Variants in TRAPPC9 observed in about 807,000 individuals in gnomAD.
TRAPPC9 encodes the protein trafficking protein particle complex subunit 9, also known as IKK2 binding protein.
In TRAPPC9, 83 loss-of-function variants were observed where a neutral mutation model predicts 124.0. The observed-to-expected ratio is 0.67, with a 90% CI of 0.56 to 0.80. The LOEUF (loss-of-function observed/expected upper bound fraction) is 0.80. Among genes scored for constraint, TRAPPC9 ranks in the 30% least tolerant of loss-of-function variants. The probability of loss-of-function intolerance (pLI) is 0.00; values close to 1 mark genes in which losing one functional copy is unlikely to be tolerated. For synonymous variants in TRAPPC9, 638 were observed against 617.5 expected, an observed-to-expected ratio of 1.03 and a Z score of -0.49; for missense variants, 1,302 against 1,508.3, an observed-to-expected ratio of 0.86 and a Z score of 2.27.
chr8:139,982,922 G>A (rs1033281335), intron 19 of TRAPPC9, among the ~76,000 whole-genome samples: 2 of 152,030 alleles, frequency 1.3e-5, no homozygotes, highest in Admixed American at 6.5e-5. Flanking sequence ...CTGCCTGCAC[G>A]GCTCTCCCTG....
intron 21 of TRAPPC9, among the ~76,000 whole-genome samples, chr8:139,787,467 G>A (rs961948536): frequency 9.9e-5 from 15 of 152,222 alleles, no homozygotes; most frequent in African/African-American, 3.4e-4. Context: ...GGCAGGGGCA[G>A]AGCCAAGGGA....
intron 21 of TRAPPC9, among the ~76,000 whole-genome samples, chr8:139,801,139 G>T (rs1056314002): frequency 3.9e-5 from 6 of 152,072 alleles, no homozygotes; most frequent in African/African-American, 1.5e-4. Flanking sequence ...CCTCCCACCA[G>T]CAGCTGTCCG....
At chr8:140,313,138 T>C (rs1263268395) in intron 9 of TRAPPC9, among the ~76,000 whole-genome samples, 1 of 152,210 alleles carries the variant, frequency 6.6e-6, no homozygotes, top group African/African-American at 2.4e-5. Flanking sequence ...ACAATGTTAA[T>C]CTGAAACATG....
chr8:140,426,645 GAAGA>G lies in TRAPPC9; in HGVS notation c.860-8_860-5del. On this transcript the variant is annotated splice_polypyrimidine_tract_variant and splice_region_variant and intron_variant, in intron 4 of 22. Transcript: ENST00000438773. ...TCAATGAGAACTTCCTGTGCCCCTG[GAAGA>G]AAGAACAGATTATGGTATTTTATTT... 6.2e-7 allele frequency: 1 copy of G among 1,613,548 alleles called. No homozygotes were observed. Among genetic ancestry groups the G allele is most frequent in the Non-Finnish European group, 8.5e-7 (1 of 1,179,636 alleles).
chr8:140,452,785 G>T (rs1051348634), intron 1 of TRAPPC9, among the ~76,000 whole-genome samples: 1 of 152,130 alleles, frequency 6.6e-6, no homozygotes, highest in Non-Finnish European at 1.5e-5. Flanking sequence ...GCCTACAGAC[G>T]GTCATGATGG....
At chr8:139,818,904 T>G (rs1295707786) in intron 21 of TRAPPC9, among the ~76,000 whole-genome samples, 1 of 152,240 alleles carries the variant, frequency 6.6e-6, no homozygotes, top group Non-Finnish European at 1.5e-5. Context: ...CACACTCTTT[T>G]CTGTGACCTC....
At chr8:139,933,391 A>G (rs1326189518) in intron 19 of TRAPPC9, 1 of 152,294 alleles carries the variant, frequency 6.6e-6, no homozygotes, top group Non-Finnish European at 1.5e-5. Context: ...TCCTGCAGGA[A>G]GGAAGTCCTG....
chr8:139,880,153 CG>C (rs1276031893), intron 21 of TRAPPC9, among the ~76,000 whole-genome samples: 1 of 152,176 alleles, frequency 6.6e-6, no homozygotes, highest in Non-Finnish European at 1.5e-5. Context: ...ATGGCTTCTT[CG>C]GGAAGAGATG....
intron 3 of TRAPPC9, 82 bp downstream of exon 3, chr8:140,438,970 G>A (rs1404141944): frequency 3.6e-5 from 56 of 1,574,554 alleles, no homozygotes; most frequent in East Asian, 4.5e-5. Flanking sequence ...GATTACAGGC[G>A]TGAGCCACCG....
At position 140,331,629 on chromosome 8, in the gene TRAPPC9, C is replaced by G. The variant is rs79177543; in HGVS notation, c.1496-20255G>C. ...CTCAACAGCAAAAAATCATCATCAT[C>G]ATCATCATCATCACCACCCCATGAA... On this transcript the variant is annotated intron_variant, in intron 9 of 22. Coordinates refer to ENST00000438773, the MANE Select transcript of TRAPPC9 (RefSeq NM_001160372.4). Among the ~76,000 whole-genome samples the G allele has an allele frequency of 3.8e-3, 570 of 151,988 alleles. 4 individuals carry two copies. Among genetic ancestry groups the G allele is most frequent in the African/African-American group, 0.013 (543 of 41,464 alleles).
intron 21 of TRAPPC9, among the ~76,000 whole-genome samples, chr8:139,737,648 C>A (rs921575930): frequency 6.6e-6 from 1 of 152,316 alleles, no homozygotes; most frequent in South Asian, 2.1e-4. Context: ...CGGGATGGGG[C>A]GGGATTTGCA....
intron 17 of TRAPPC9, among the ~76,000 whole-genome samples, chr8:140,210,770 C>A (rs972403803): frequency 1.3e-5 from 2 of 152,160 alleles, no homozygotes; most frequent in Non-Finnish European, 2.9e-5. Context: ...TTCTCTCCCC[C>A]GGCTCTACTG....
At chr8:139,987,545 C>CAGAGAG (rs34718647) in intron 19 of TRAPPC9, among the ~76,000 whole-genome samples, 12 of 150,328 alleles carry the variant, frequency 8.0e-5, no homozygotes, top group African/African-American at 2.2e-4. Flanking sequence ...ATGAAAGAGG[C>CAGAGAG]AGAGAGAGAG....
chr8:140,240,838 C>A (rs2063840980), intron 16 of TRAPPC9, among the ~76,000 whole-genome samples: 1 of 152,202 alleles, frequency 6.6e-6, no homozygotes, highest in African/African-American at 2.4e-5. Flanking sequence ...CTGCACCCAG[C>A]CCCACTCACC....
intron 19 of TRAPPC9, among the ~76,000 whole-genome samples, chr8:139,929,304 C>A (rs1180763858): frequency 6.6e-6 from 1 of 152,200 alleles, no homozygotes; most frequent in Non-Finnish European, 1.5e-5. Flanking sequence ...ATGATCAATA[C>A]ATGAATCTAC....
At chr8:140,397,513 A>C (rs1429518479) in intron 7 of TRAPPC9, 107 bp downstream of exon 7, 56 of 1,291,066 alleles carry the variant, frequency 4.3e-5, no homozygotes, top group Non-Finnish European at 6.0e-5. Flanking sequence ...AACAGTTTTT[A>C]TCATGGCATG....
At chr8:140,243,852 G>C (rs2063917964) in intron 16 of TRAPPC9, among the ~76,000 whole-genome samples, 1 of 152,238 alleles carries the variant, frequency 6.6e-6, no homozygotes, top group Non-Finnish European at 1.5e-5. Context: ...GTTCCCTAAG[G>C]CGGGGGCCCG....
intron 21 of TRAPPC9, among the ~76,000 whole-genome samples, chr8:139,760,814 G>C (rs1040667850): frequency 4.6e-5 from 7 of 152,192 alleles, no homozygotes; most frequent in African/African-American, 1.4e-4. Flanking sequence ...CACTCACTAT[G>C]ATGAGAACAG....
At chr8:140,222,545 G>A (rs2063358646) in intron 16 of TRAPPC9, among the ~76,000 whole-genome samples, 2 of 152,084 alleles carry the variant, frequency 1.3e-5, no homozygotes, top group African/African-American at 2.4e-5. Context: ...AGCTCGCAGA[G>A]TCTCCTGAGG....
Sources: allele counts gnomAD v4.1 joint callset (sites outside exome capture counted in the v4.1 genomes callset), GRCh38; gene constraint gnomAD v4.1.1; transcripts MANE v1.5; gene names NCBI Gene and HGNC (gene_info 2026-07-23, HGNC 2026-07-21).